The following RBFOX1 variants were observed in gnomAD, a reference collection of about 807,000 sequenced individuals.
The protein encoded by RBFOX1 is RNA binding fox-1 homolog 1.
A neutral mutation model predicts 57.7 loss-of-function variants in RBFOX1; 8 were observed. The ratio of observed to expected loss-of-function variants is 0.14; its 90% CI spans 0.08 to 0.25. RBFOX1 has a LOEUF of 0.25. RBFOX1 is among the 10% of genes least tolerant of loss of function. RBFOX1 has a pLI of 1.00. For missense variants in RBFOX1, 611 were observed against 548.5 expected, an observed-to-expected ratio of 1.11 and a Z score of -1.14; for synonymous variants, 326 against 222.4, an observed-to-expected ratio of 1.47 and a Z score of -4.15.
intron 4 of RBFOX1, among the ~76,000 whole-genome samples, chr16:7,432,994 G>A (rs1212420490): frequency 2.0e-5 from 3 of 152,212 alleles, no homozygotes; most frequent in Non-Finnish European, 2.9e-5. Context: ...GGGAAACAGG[G>A]AAGGAGGTTT....
intron 3 of RBFOX1, among the ~76,000 whole-genome samples, chr16:5,641,505 C>A (rs937766636): frequency 6.6e-6 from 1 of 152,220 alleles, no homozygotes; most frequent in Non-Finnish European, 1.5e-5. Flanking sequence ...CAAGAGATAG[C>A]TGTTACTCAG....
chr16:7,486,818 T>C (rs547675636), intron 4 of RBFOX1, among the ~76,000 whole-genome samples: 1 of 152,200 alleles, frequency 6.6e-6, no homozygotes, highest in African/African-American at 2.4e-5. Flanking sequence ...TGCCTGCCTC[T>C]TCCAGCATCC....
intron 3 of RBFOX1, among the ~76,000 whole-genome samples, chr16:6,816,609 G>A (rs1042411752): frequency 1.3e-5 from 2 of 151,510 alleles, no homozygotes; most frequent in South Asian, 2.1e-4. Flanking sequence ...GCGTGGTGGC[G>A]GGCACCTGTA....
At chr16:7,180,231 A>T (rs576680298) in intron 4 of RBFOX1, among the ~76,000 whole-genome samples, 1 of 152,150 alleles carries the variant, frequency 6.6e-6, no homozygotes, top group Non-Finnish European at 1.5e-5. Context: ...ATTTCAGATA[A>T]TTTTTAAATG....
chr16:5,268,124 C>G (rs575253986), intron 1 of RBFOX1, among the ~76,000 whole-genome samples: 1 of 152,036 alleles, frequency 6.6e-6, no homozygotes, highest in Admixed American at 6.6e-5. Context: ...TCAGAGTTGA[C>G]TCTAACACAA....
chr16:5,295,434 G>C (rs2063642623), intron 1 of RBFOX1, among the ~76,000 whole-genome samples: 1 of 152,194 alleles, frequency 6.6e-6, no homozygotes, highest in African/African-American at 2.4e-5. Flanking sequence ...AGGAATCTAG[G>C]CGTGACTCAG....
chr16:5,814,166 G>T (rs2055535746), intron 3 of RBFOX1, among the ~76,000 whole-genome samples: 1 of 152,060 alleles, frequency 6.6e-6, no homozygotes, highest in South Asian at 2.1e-4. Context: ...GTCTCTTGAG[G>T]CCCGCCTGTG....
At chr16:5,926,012 C>T (rs997892762) in intron 4 of RBFOX1, among the ~76,000 whole-genome samples, 3 of 152,190 alleles carry the variant, frequency 2.0e-5, no homozygotes, top group Non-Finnish European at 4.4e-5. Context: ...AGCAGTCAGA[C>T]TACCCCTCGA....
At chr16:5,583,875 C>G (rs142437780) in intron 2 of RBFOX1, among the ~76,000 whole-genome samples, 29 of 152,232 alleles carry the variant, frequency 1.9e-4, no homozygotes, top group African/African-American at 6.7e-4. Context: ...AGTCTAGAGC[C>G]CATGGCCTGA....
intron 1 of RBFOX1, among the ~76,000 whole-genome samples, chr16:5,428,716 G>A (rs1280898133): frequency 6.6e-6 from 1 of 152,120 alleles, no homozygotes; most frequent in Non-Finnish European, 1.5e-5. Context: ...TAGACAGATG[G>A]TACATTACAT....
intron 4 of RBFOX1, among the ~76,000 whole-genome samples, chr16:7,087,703 A>G (rs1180965003): frequency 6.6e-6 from 1 of 152,172 alleles, no homozygotes; most frequent in Non-Finnish European, 1.5e-5. Context: ...AATCTTGTGT[A>G]AGGAAAGAAG....
chr16:5,624,399 G>A (rs370496054), intron 3 of RBFOX1, among the ~76,000 whole-genome samples: 21 of 152,272 alleles, frequency 1.4e-4, no homozygotes, highest in African/African-American at 3.9e-4. Flanking sequence ...GGGTTTCACC[G>A]TGTTAGCCAG....
chr16:6,936,047 G>A (rs1445346046), intron 3 of RBFOX1, among the ~76,000 whole-genome samples: 4 of 152,216 alleles, frequency 2.6e-5, no homozygotes, highest in South Asian at 2.1e-4. Context: ...CAATGCGCAA[G>A]AGTATTTTGC....
chr16:7,636,831 G>A (rs1568215125), intron 11 of RBFOX1, among the ~76,000 whole-genome samples: 1 of 131,706 alleles, frequency 7.6e-6, no homozygotes, highest in Non-Finnish European at 1.7e-5. Flanking sequence ...GAGAGAGACA[G>A]AGACAGAGAG....
intron 3 of RBFOX1, among the ~76,000 whole-genome samples, chr16:5,721,320 T>G (rs916346424): frequency 6.6e-6 from 1 of 152,222 alleles, no homozygotes; most frequent in African/African-American, 2.4e-5. Context: ...CTTTGCTGAA[T>G]TTATTGGTTT....
chr16:6,535,656 C>G lies in RBFOX1; in HGVS notation c.-63-118947C>G, dbSNP rs533755109. Among the ~76,000 whole-genome samples, 9 of 152,292 alleles carry G rather than the reference C, an allele frequency of 5.9e-5. No individual in the cohort carries two copies. The East Asian group carries it at 1.2e-3, about 20-fold the overall frequency. ...ATCCATCAACCGTTGCTCCAGGCTTCTTGTAAAGACCAGGATCCTGACCCA... is the reference window on the plus strand; with the variant it reads ...ATCCATCAACCGTTGCTCCAGGCTTGTTGTAAAGACCAGGATCCTGACCCA... On this transcript the variant is annotated intron_variant, in intron 2 of 15. Coordinates refer to ENST00000550418, the MANE Select transcript of RBFOX1 (RefSeq NM_018723.4).
chr16:5,268,078 CAA>C (rs35062940), intron 1 of RBFOX1, among the ~76,000 whole-genome samples: 5 of 131,266 alleles, frequency 3.8e-5, no homozygotes, highest in Admixed American at 7.8e-5. Context: ...GATTCCATGT[CAA>C]AAAAAAAAAA....
At chr16:7,023,564 TAAAAAA>T (rs34056673) in intron 3 of RBFOX1, among the ~76,000 whole-genome samples, 67 of 43,924 alleles carry the variant, frequency 1.5e-3, no homozygotes, top group African/African-American at 5.5e-3. Context: ...TCGTCTGTAC[TAAAAAA>T]AAAAAAAAAA....
intron 1 of RBFOX1, among the ~76,000 whole-genome samples, chr16:6,129,129 C>T (rs1286857279): frequency 1.3e-5 from 2 of 152,134 alleles, no homozygotes; most frequent in Non-Finnish European, 2.9e-5. Context: ...ATTTATTAAA[C>T]ATATGAATAA....
Sources: gnomAD v4.1 joint callset for allele counts (sites outside exome capture counted in the v4.1 genomes callset) on GRCh38, gnomAD v4.1.1 for gene constraint, MANE v1.5 for transcripts, NCBI Gene and HGNC (gene_info 2026-07-23, HGNC 2026-07-21) for gene names.